CLECL1: variants seen among roughly 807,000 people sequenced by gnomAD.
CLECL1 encodes the protein C-type lectin-like domain family 1.
downstream of CLECL1, among the ~76,000 whole-genome samples, chr12:9,713,542 C>G (rs978209614): frequency 6.6e-6 from 1 of 152,202 alleles, no homozygotes; most frequent in Non-Finnish European, 1.5e-5. Flanking sequence ...TTTCTTAAAA[C>G]AGGTACTGAG....
chr12:9,712,681 G>A (rs764814937), downstream of CLECL1, among the ~76,000 whole-genome samples: 1 of 152,196 alleles, frequency 6.6e-6, no homozygotes, highest in Non-Finnish European at 1.5e-5. Flanking sequence ...GTTATCTGTA[G>A]TTTATTACAG....
chr12:9,702,900 T>G, the CLECL1 span, among the ~76,000 whole-genome samples: 10 of 152,226 alleles, frequency 6.6e-5, no homozygotes, highest in African/African-American at 2.4e-4. Flanking sequence ...ACCCTTACTT[T>G]AGTGGAACAG....
chr12:9,729,764 A>G (rs778603690), intron 1 of CLECL1, among the ~76,000 whole-genome samples: 1 of 151,670 alleles, frequency 6.6e-6, no homozygotes, highest in Admixed American at 6.6e-5. Flanking sequence ...AAACTTTCTC[A>G]CCTATCATGT....
exon 1 of CLECL1, chr12:9,732,952 A>C: frequency 6.3e-7 from 1 of 1,597,614 alleles, no homozygotes; most frequent in South Asian, 1.1e-5. Flanking sequence ...AGCTTACCAG[A>C]TCTCTGAAGT....
chr12:9,702,558 T>C, the CLECL1 span, among the ~76,000 whole-genome samples: 1 of 152,180 alleles, frequency 6.6e-6, no homozygotes, highest in Non-Finnish European at 1.5e-5. Context: ...TGAGGATGTG[T>C]GGCTCTTGCT....
chr12:9,722,631 T>C (rs776918579), downstream of CLECL1: 2 of 1,607,702 alleles, frequency 1.2e-6, no homozygotes, highest in Non-Finnish European at 1.7e-6. Context: ...CACCTCTAAA[T>C]GTTAAATCTC....
At chr12:9,709,797 T>G in the CLECL1 span, among the ~76,000 whole-genome samples, 6 of 152,192 alleles carry the variant, frequency 3.9e-5, no homozygotes, top group African/African-American at 1.2e-4. Context: ...TAGTATAAAT[T>G]TATTACTCAG....
chr12:9,720,335 C>T (rs1482151435), downstream of CLECL1, among the ~76,000 whole-genome samples: 8 of 150,982 alleles, frequency 5.3e-5, no homozygotes, highest in Admixed American at 3.3e-4. Context: ...TTCATGCCAC[C>T]TCTGTATTTT....
At chr12:9,718,567 G>A, downstream of CLECL1, 1 of 398,290 alleles carries the variant, frequency 2.5e-6, no homozygotes. Context: ...TTCATATTTT[G>A]AAGTCCTAAT....
intron 3 of CLECL1, among the ~76,000 whole-genome samples, chr12:9,724,507 A>G (rs767532861): frequency 3.9e-5 from 6 of 152,184 alleles, no homozygotes; most frequent in Non-Finnish European, 8.8e-5. Context: ...TACCTCAGCA[A>G]AGAAGGACAG....
the CLECL1 span, among the ~76,000 whole-genome samples, chr12:9,707,609 G>A: frequency 6.6e-6 from 1 of 152,196 alleles, no homozygotes; most frequent in Non-Finnish European, 1.5e-5. Flanking sequence ...GAGCAGTGGG[G>A]CACTGAAGAA....
At chr12:9,727,856 T>C (rs1866398252) in intron 2 of CLECL1, among the ~76,000 whole-genome samples, 1 of 151,800 alleles carries the variant, frequency 6.6e-6, no homozygotes, top group Non-Finnish European at 1.5e-5. Flanking sequence ...TTTGCACTCT[T>C]ATTAACCTTA....
downstream of CLECL1, among the ~76,000 whole-genome samples, chr12:9,711,445 T>G (rs1565478897): frequency 6.6e-6 from 1 of 152,138 alleles, no homozygotes; most frequent in Non-Finnish European, 1.5e-5. Flanking sequence ...CTTAGAGCTT[T>G]TCCACTTCAT....
At chr12:9,713,237 C>G (rs1866212087), downstream of CLECL1, among the ~76,000 whole-genome samples, 2 of 152,182 alleles carry the variant, frequency 1.3e-5, no homozygotes, top group African/African-American at 4.8e-5. Context: ...ACATCGGTTT[C>G]TAAGTTATGA....
chr12:9,730,675 C>G (rs1866436391), intron 1 of CLECL1, among the ~76,000 whole-genome samples: 1 of 151,872 alleles, frequency 6.6e-6, no homozygotes. Flanking sequence ...CTACACGTTT[C>G]TTTTTCTTTC....
the CLECL1 span, among the ~76,000 whole-genome samples, chr12:9,704,314 T>A: frequency 6.6e-6 from 1 of 152,248 alleles, no homozygotes; most frequent in Non-Finnish European, 1.5e-5. Flanking sequence ...CTCCAAGGCC[T>A]TGAACAATTT....
chr12:9,733,122 G>A (rs753118623), upstream of CLECL1: 3 of 1,479,550 alleles, frequency 2.0e-6, no homozygotes, highest in Non-Finnish European at 2.8e-6. Flanking sequence ...TAAGTAAATT[G>A]AGATGGCAAA....
At chr12:9,733,116 T>TTAAGC (rs398070028), upstream of CLECL1, 6 of 1,614,078 alleles carry the variant, frequency 3.7e-6, no homozygotes, top group South Asian at 6.6e-5. Context: ...TTCTGATAAG[T>TTAAGC]AAATTGAGAT....
intron 3 of CLECL1, among the ~76,000 whole-genome samples, chr12:9,726,274 C>T (rs1422570271): frequency 6.6e-6 from 1 of 151,794 alleles, no homozygotes; most frequent in African/African-American, 2.4e-5. Flanking sequence ...AACATCACAT[C>T]ACAACAACAA....
Sources: gnomAD v4.1 joint callset for allele counts (sites outside exome capture counted in the v4.1 genomes callset) on GRCh38, gnomAD v4.1.1 for gene constraint, MANE v1.5 for transcripts, NCBI Gene and HGNC (gene_info 2026-07-23, HGNC 2026-07-21) for gene names.